Variants in ITCH observed in about 807,000 individuals in gnomAD.
The protein encoded by ITCH is E3 ubiquitin-protein ligase Itchy homolog.
ITCH carries 28 observed loss-of-function variants against 126.8 expected under a neutral mutation model. That is an observed-to-expected ratio of 0.22 (90% CI 0.16 to 0.30). The LOEUF is 0.30. Ranked by LOEUF, ITCH falls within the 10% of genes least tolerant of loss-of-function variation. ITCH has a pLI of 1.00. For synonymous variants in ITCH, 342 were observed against 340.0 expected, an observed-to-expected ratio of 1.01 and a Z score of -0.06; for missense variants, 631 against 1,032.4, an observed-to-expected ratio of 0.61 and a Z score of 5.33.
Position 34,508,023 on chromosome 20 carries a change from CACA to C in ITCH, c.*234_*236del. Reference sequence around the variant, plus strand: ...AACCTTGCTTAACATGAGATTTTAACACAACAATGAAATTTGCCTTGTCTTATT... The same window carrying C: ...AACCTTGCTTAACATGAGATTTTAACACAATGAAATTTGCCTTGTCTTATT... On this transcript the variant is annotated 3_prime_UTR_variant, in exon 25 of 25. Transcript: ENST00000374864. 1 of 491,120 alleles carries C rather than the reference CACA, an allele frequency of 2.0e-6. No homozygotes were observed. The highest frequency in any genetic ancestry group is 3.7e-6 in the Non-Finnish European group (1 of 268,212). 30.4% of individuals were successfully genotyped at this position (491,120 alleles called of 1,614,324 possible).
chr20:34,402,463 A>C, intron 3 of ITCH: 1 of 767,948 alleles, frequency 1.3e-6, no homozygotes, highest in South Asian at 1.3e-5. Context: ...AGATGGAGAG[A>C]CCACTGAAAA....
At chr20:34,437,859 C>G (rs1983225998) in intron 7 of ITCH, among the ~76,000 whole-genome samples, 1 of 152,178 alleles carries the variant, frequency 6.6e-6, no homozygotes, top group Admixed American at 6.5e-5. Context: ...GTGTTCTTCC[C>G]TCCTTTCTAT....
chr20:34,509,085 G>A lies in ITCH; in HGVS notation c.*1291G>A, dbSNP rs964538434. On this transcript the variant is annotated 3_prime_UTR_variant, in exon 25 of 25. Transcript: ENST00000374864. ...TGAACTGGATTGATAACCCTCATCT[G>A]CAATATTTTCACCCCTAAAATTTTT... The A allele has an allele frequency of 1.3e-5, 2 of 152,524 alleles. No homozygotes were observed. The highest frequency in any genetic ancestry group is 4.8e-5 in the African/African-American group (2 of 41,420). The allele number at this position is 152,524 out of a possible 1,614,324, so 9.4% of individuals were successfully genotyped here.
In ITCH at chr20:34,480,552, G is replaced by T. The variant is rs770643687; in HGVS notation, c.1819-47G>T. 7 of 1,596,322 alleles carry T rather than the reference G, an allele frequency of 4.4e-6. No individual in the cohort carries two copies. The South Asian group carries it at 6.6e-5, about 15-fold the overall frequency. On this transcript the variant is annotated intron_variant, in intron 18 of 24. Transcript: ENST00000374864. ...TACATCTAATATATTGAAATAAAATGATTATTGTACAGTTATTTTAAGCGG... is the reference window on the plus strand; with the variant it reads ...TACATCTAATATATTGAAATAAAATTATTATTGTACAGTTATTTTAAGCGG...
At chr20:34,492,044 G>A (rs901439326) in intron 22 of ITCH, among the ~76,000 whole-genome samples, 6 of 151,984 alleles carry the variant, frequency 3.9e-5, no homozygotes, top group African/African-American at 1.2e-4. Flanking sequence ...TGCCCTAGAA[G>A]AGCTAATCTT....
Position 34,508,999 on chromosome 20 carries a change from T to TTCAAAGTTA in ITCH, c.*1209_*1217dup, listed in dbSNP as rs1361017406. The TTCAAAGTTA allele has an allele frequency of 3.9e-5, 6 of 152,426 alleles. No individual in the cohort carries two copies. In the East Asian group the frequency reaches 1.2e-3, roughly 29 times the overall value. 9.4% of individuals were successfully genotyped at this position (152,426 alleles called of 1,614,324 possible). ...ATATATTCTCTGTGAATTAAAAGTCTTCAAAGTTATCATTTCTCTGACATA... is the reference window on the plus strand; with the variant it reads ...ATATATTCTCTGTGAATTAAAAGTCTTCAAAGTTATCAAAGTTATCATTTCTCTGACATA... On this transcript the variant is annotated 3_prime_UTR_variant, in exon 25 of 25. Coordinates refer to ENST00000374864, the MANE Select transcript of ITCH (RefSeq NM_031483.7).
chr20:34,430,151 C>T (rs1044008384), intron 7 of ITCH, among the ~76,000 whole-genome samples: 5 of 152,130 alleles, frequency 3.3e-5, no homozygotes, highest in Admixed American at 1.3e-4. Context: ...AGTCCTTAAA[C>T]GTTTATGAGT....
chr20:34,503,517 A>G (rs1238733029), intron 23 of ITCH, among the ~76,000 whole-genome samples: 2 of 152,204 alleles, frequency 1.3e-5, no homozygotes, highest in African/African-American at 4.8e-5. Context: ...AGCATTAATA[A>G]TATGGAATTC....
At chr20:34,397,907 A>T (rs1438273453) in intron 3 of ITCH, among the ~76,000 whole-genome samples, 6 of 152,120 alleles carry the variant, frequency 3.9e-5, no homozygotes, top group Admixed American at 3.9e-4. Flanking sequence ...TTACTGATTT[A>T]AAAAAATAGT....
chr20:34,480,665 AAACC>A lies in ITCH; in HGVS notation c.1887_1890del (p.Pro630LeufsTer6), dbSNP rs750238449. 1 of 1,612,600 alleles carries A rather than the reference AAACC, an allele frequency of 6.2e-7. No homozygotes were observed. ...ACCATTCTATAAGCGTATCTTGAAC[AAACC>A]AGTTGGACTCAAGGATTTAGAATCT... On this transcript the variant is annotated frameshift_variant, in exon 19 of 25. Transcript: ENST00000374864. LOFTEE classifies it high-confidence loss of function.
At chr20:34,463,089 G>A (rs930518899) in intron 14 of ITCH, among the ~76,000 whole-genome samples, 1 of 152,130 alleles carries the variant, frequency 6.6e-6, no homozygotes, top group African/African-American at 2.4e-5. Context: ...GAGGCCGGGC[G>A]CAGTGGCTCA....
chr20:34,484,782 C>CA (rs1245411895), intron 20 of ITCH, among the ~76,000 whole-genome samples: 3 of 152,104 alleles, frequency 2.0e-5, no homozygotes, highest in Non-Finnish European at 4.4e-5. Context: ...TATATCAGCC[C>CA]AAATGTGAGC....
chr20:34,436,641 C>T (rs567917055), intron 7 of ITCH, among the ~76,000 whole-genome samples: 1 of 152,334 alleles, frequency 6.6e-6, no homozygotes, highest in African/African-American at 2.4e-5. Flanking sequence ...CTTGTCATAC[C>T]TTACTGTCCA....
At chr20:34,392,699 A>G (rs1458014961) in intron 2 of ITCH, among the ~76,000 whole-genome samples, 1 of 152,112 alleles carries the variant, frequency 6.6e-6, no homozygotes, top group Non-Finnish European at 1.5e-5. Context: ...GTTTGATTTT[A>G]TTTTTTATTG....
chr20:34,399,220 C>CT (rs1358040427), intron 3 of ITCH, among the ~76,000 whole-genome samples: 1 of 151,702 alleles, frequency 6.6e-6, no homozygotes, highest in African/African-American at 2.4e-5. Context: ...TGGAGAAACT[C>CT]TGTCTCTAGT....
Position 34,405,416 on chromosome 20 carries a change from A to G in ITCH, c.71-3235A>G, listed in dbSNP as rs141788666. On this transcript the variant is annotated intron_variant, in intron 3 of 24. Transcript: ENST00000374864. ...GCTGCTTGGGAGGCTGAGGCAGGAG[A>G]ATCGCTTGAACCCGGCAGGCGGAGG... Among the ~76,000 whole-genome samples the G allele has an allele frequency of 5.8e-4, 88 of 152,208 alleles. 1 individual carries two copies. The East Asian group carries it at 0.016, about 28-fold the overall frequency.
intron 13 of ITCH, among the ~76,000 whole-genome samples, chr20:34,459,278 TATTGTGGGACAGTACAC>T (rs1203094009): frequency 3.3e-5 from 5 of 152,152 alleles, no homozygotes; most frequent in Non-Finnish European, 7.4e-5. Flanking sequence ...CATCCAGCAT[TATTGTGGGACAGTACAC>T]ATTGAGGTCG....
Position 34,489,330 on chromosome 20 carries a change from T to C in ITCH, c.2158T>C (p.Phe720Leu), listed in dbSNP as rs750545876. Residue 720 changes from phenylalanine (F) to leucine (L), a missense_variant, in exon 21 of 25, where the codon TTT (phenylalanine) becomes CTT (leucine). Transcript: ENST00000374864. The stretch of plus-strand genomic sequence containing the variant: ...ACAGACACAAGCTTTCTTTGAAGGC[T>C]TTAATGAAATTCTTCCCCAGCAATA... ...EEQTQAFFEG[F>L]NEILPQQYLQ... 1 of 1,613,240 alleles carries C rather than the reference T, an allele frequency of 6.2e-7. No individual in the cohort carries two copies. Among genetic ancestry groups the C allele is most frequent in the South Asian group, 1.1e-5 (1 of 91,054 alleles).
chr20:34,375,062 A>G (rs2037783509), intron 2 of ITCH, among the ~76,000 whole-genome samples: 1 of 135,302 alleles, frequency 7.4e-6, no homozygotes, highest in South Asian at 2.3e-4. Flanking sequence ...TTTTTTTGAG[A>G]CAGAATCTCG....
Sources: gnomAD v4.1 joint callset for allele counts (sites outside exome capture counted in the v4.1 genomes callset) on GRCh38, gnomAD v4.1.1 for gene constraint, MANE v1.5 for transcripts, NCBI Gene and HGNC (gene_info 2026-07-23, HGNC 2026-07-21) for gene names.